Variants in NR6A1 observed in about 807,000 individuals in gnomAD.
NR6A1 encodes nuclear receptor subfamily 6 group A member 1, also known as retinoic acid receptor-related testis-associated receptor.
In NR6A1, 7 loss-of-function variants were observed where a neutral mutation model predicts 59.1. The ratio of observed to expected loss-of-function variants is 0.12; its 90% CI spans 0.07 to 0.22. The LOEUF (loss-of-function observed/expected upper bound fraction) is 0.22, where lower values mean the gene tolerates loss of function less well. NR6A1 is among the 10% of genes least tolerant of loss of function. The pLI, the probability that NR6A1 is intolerant of heterozygous loss-of-function variation, is 1.00. For missense variants in NR6A1, 468 were observed against 611.6 expected, an observed-to-expected ratio of 0.77 and a Z score of 2.48; for synonymous variants, 243 against 236.1, an observed-to-expected ratio of 1.03 and a Z score of -0.27.
At chr9:124,750,153 G>A (rs1285868529) in intron 1 of NR6A1, among the ~76,000 whole-genome samples, 6 of 152,228 alleles carry the variant, frequency 3.9e-5, no homozygotes, top group Non-Finnish European at 2.9e-5. Context: ...TCCCTACCAT[G>A]TTAAGGCTCT....
At position 124,771,200 on chromosome 9, in the gene NR6A1, G is replaced by C. The variant is rs141058869; in HGVS notation, c.-81C>G. The C allele has an allele frequency of 6.2e-6, 5 of 808,074 alleles. No individual in the cohort carries two copies. The highest frequency in any genetic ancestry group is 4.3e-5 in the Admixed American group (1 of 23,144). The allele number at this position is 808,074 out of a possible 1,614,324, so 50.1% of individuals were successfully genotyped here. On this transcript the variant is annotated 5_prime_UTR_variant, in exon 1 of 10. Transcript: ENST00000487099. ...AGTCGCCGTGGTCGTCGTCCGCCGA[G>C]GGGAGGAGGTTGTCAGGAGCCCGCG...
At chr9:124,645,591 C>T (rs571995071) in intron 2 of NR6A1, among the ~76,000 whole-genome samples, 3 of 152,082 alleles carry the variant, frequency 2.0e-5, no homozygotes, top group East Asian at 1.9e-4. Context: ...TCTAAGAAGA[C>T]ATAACAATCC....
At chr9:124,696,408 C>T (rs1364014920) in intron 2 of NR6A1, among the ~76,000 whole-genome samples, 1 of 152,088 alleles carries the variant, frequency 6.6e-6, no homozygotes, top group African/African-American at 2.4e-5. Context: ...TGGCTGACCC[C>T]CTTCCATCAT....
intron 2 of NR6A1, among the ~76,000 whole-genome samples, chr9:124,672,499 C>T (rs1006695327): frequency 6.6e-6 from 1 of 151,954 alleles, no homozygotes. Context: ...CCTGTAGTCC[C>T]AGCAACTCGG....
chr9:124,583,935 T>C (rs866564859), intron 2 of NR6A1, among the ~76,000 whole-genome samples: 1 of 152,186 alleles, frequency 6.6e-6, no homozygotes, highest in Admixed American at 6.5e-5. Context: ...TGAGGATCTA[T>C]TTCCCTCTGC....
chr9:124,568,898 G>T (rs1486024016), intron 2 of NR6A1, among the ~76,000 whole-genome samples: 1 of 151,838 alleles, frequency 6.6e-6, no homozygotes, highest in East Asian at 1.9e-4. Flanking sequence ...CGGGTCACGA[G>T]GTCAGGAGAT....
intron 3 of NR6A1, 134 bp from the exon 4 acceptor site, chr9:124,543,991 G>C: frequency 1.4e-6 from 1 of 705,850 alleles, no homozygotes; most frequent in South Asian, 1.8e-5. Context: ...AGGTCCTTCT[G>C]GATCCAAAGC....
chr9:124,589,272 C>T (rs188504627), intron 2 of NR6A1, among the ~76,000 whole-genome samples: 255 of 152,144 alleles, frequency 1.7e-3, no homozygotes, highest in African/African-American at 5.9e-3. Flanking sequence ...CGGTGAAACC[C>T]CGTCTCTACT....
chr9:124,568,169 CAAAA>C (rs34652433), intron 2 of NR6A1, among the ~76,000 whole-genome samples: 7 of 30,448 alleles, frequency 2.3e-4, no homozygotes, highest in Admixed American at 5.7e-4. Context: ...TACTTCATCT[CAAAA>C]AAAAAAAAAA....
chr9:124,734,655 T>G (rs1296675487), intron 1 of NR6A1, among the ~76,000 whole-genome samples: 1 of 152,128 alleles, frequency 6.6e-6, no homozygotes, highest in Non-Finnish European at 1.5e-5. Context: ...ATTGAACCAT[T>G]GCACTCCAGC....
At chr9:124,577,941 T>C (rs1431649133) in intron 2 of NR6A1, among the ~76,000 whole-genome samples, 7 of 152,248 alleles carry the variant, frequency 4.6e-5, no homozygotes, top group Non-Finnish European at 4.4e-5. Flanking sequence ...TCCTGATGAC[T>C]GCTGGATCTA....
intron 2 of NR6A1, among the ~76,000 whole-genome samples, chr9:124,705,094 G>T (rs572908434): frequency 6.6e-6 from 1 of 152,124 alleles, no homozygotes; most frequent in African/African-American, 2.4e-5. Context: ...TTATTTATAC[G>T]TATGTTGTTT....
chr9:124,601,349 C>T (rs936137938), intron 2 of NR6A1, among the ~76,000 whole-genome samples: 1 of 151,716 alleles, frequency 6.6e-6, no homozygotes, highest in African/African-American at 2.4e-5. Context: ...CTTCGGGAGG[C>T]CAAGGTGGGT....
intron 1 of NR6A1, among the ~76,000 whole-genome samples, chr9:124,757,711 C>T (rs1480336373): frequency 1.3e-5 from 2 of 152,180 alleles, no homozygotes; most frequent in Non-Finnish European, 2.9e-5. Context: ...ATATACGATG[C>T]AGCTGTATCT....
intron 2 of NR6A1, among the ~76,000 whole-genome samples, chr9:124,579,865 C>T (rs1440594998): frequency 1.3e-5 from 2 of 152,028 alleles, no homozygotes; most frequent in Non-Finnish European, 2.9e-5. Flanking sequence ...ACATAATTAG[C>T]TGGGCATGGT....
chr9:124,770,935 G>C (rs1418687051), intron 1 of NR6A1, 85 bp downstream of exon 1: 2 of 783,620 alleles, frequency 2.6e-6, no homozygotes, highest in African/African-American at 3.6e-5. Flanking sequence ...CCAGGGCGAG[G>C]GTCGGCAGAG....
chr9:124,694,170 A>ATTATATC (rs912277314), intron 2 of NR6A1, among the ~76,000 whole-genome samples: 1 of 152,152 alleles, frequency 6.6e-6, no homozygotes, highest in Admixed American at 6.5e-5. Flanking sequence ...TCGGAGGAAA[A>ATTATATC]CATGTATAAT....
chr9:124,592,311 C>T (rs1835150162), intron 2 of NR6A1, among the ~76,000 whole-genome samples: 1 of 152,076 alleles, frequency 6.6e-6, no homozygotes, highest in Admixed American at 6.5e-5. Context: ...GTTTCATACC[C>T]CATTTTAACA....
At chr9:124,656,765 G>A (rs1324929343) in intron 2 of NR6A1, among the ~76,000 whole-genome samples, 1 of 152,202 alleles carries the variant, frequency 6.6e-6, no homozygotes, top group African/African-American at 2.4e-5. Flanking sequence ...CCAGGAGGCG[G>A]AAGTTGCAGT....
Sources: gnomAD v4.1 joint callset for allele counts (sites outside exome capture counted in the v4.1 genomes callset) on GRCh38, gnomAD v4.1.1 for gene constraint, MANE v1.5 for transcripts, NCBI Gene and HGNC (gene_info 2026-07-23, HGNC 2026-07-21) for gene names.